DRC9: variants seen among roughly 807,000 people sequenced by gnomAD.
DRC9 encodes the protein dynein regulatory complex subunit 9, also known as dynein regulatory complex protein 9.
chr3:197,891,233 C>T, the DRC9 span, among the ~76,000 whole-genome samples: 1 of 152,170 alleles, frequency 6.6e-6, no homozygotes, highest in Admixed American at 6.6e-5. Context: ...TCTTTTTCCC[C>T]AGATGAAGAG....
the DRC9 span, chr3:197,954,246 C>T: frequency 1.6e-6 from 2 of 1,257,508 alleles, no homozygotes; most frequent in East Asian, 4.8e-5. Context: ...GTGAAATTGA[C>T]ACCAGTAAAT....
At chr3:197,954,271 TGTGTATTGCAGAAC>T in the DRC9 span, 1 of 928,330 alleles carries the variant, frequency 1.1e-6, no homozygotes, top group Non-Finnish European at 1.7e-6. Context: ...CTGCAAAATT[TGTGTATTGCAGAAC>T]ACTGGAGAGA....
the DRC9 span, among the ~76,000 whole-genome samples, chr3:197,926,670 G>T: frequency 6.6e-6 from 1 of 152,102 alleles, no homozygotes. Flanking sequence ...ACTGCCCACA[G>T]ACTGCTCCCA....
chr3:197,943,708 G>C, the DRC9 span: 1 of 1,235,166 alleles, frequency 8.1e-7, no homozygotes, highest in Non-Finnish European at 1.2e-6. Flanking sequence ...ACATTTAATG[G>C]GATAGGTACT....
the DRC9 span, among the ~76,000 whole-genome samples, chr3:197,898,338 T>C: frequency 2.0e-5 from 3 of 152,224 alleles, no homozygotes; most frequent in East Asian, 3.9e-4. Context: ...TACAGCCAAA[T>C]AGTACTCAGA....
At chr3:197,954,578 C>T in the DRC9 span, 2 of 265,458 alleles carry the variant, frequency 7.5e-6, no homozygotes, top group East Asian at 2.1e-4. Flanking sequence ...GGCATGATCT[C>T]AGCTTGCTGC....
chr3:197,903,244 CTG>C, the DRC9 span, among the ~76,000 whole-genome samples: 1 of 152,218 alleles, frequency 6.6e-6, no homozygotes, highest in Admixed American at 6.5e-5. Flanking sequence ...AAAGAAAACA[CTG>C]GGGAAACTCT....
At chr3:197,897,770 CTTTT>C in the DRC9 span, among the ~76,000 whole-genome samples, 1 of 126,374 alleles carries the variant, frequency 7.9e-6, no homozygotes, top group Non-Finnish European at 1.6e-5. Flanking sequence ...AAGCATAAAC[CTTTT>C]TTTTTTTTTT....
chr3:197,955,559 G>T, the DRC9 span, among the ~76,000 whole-genome samples: 1 of 152,110 alleles, frequency 6.6e-6, no homozygotes, highest in African/African-American at 2.4e-5. Context: ...ACAGCACCTG[G>T]CCAGTACATG....
chr3:197,924,429 T>C, the DRC9 span, among the ~76,000 whole-genome samples: 6 of 152,242 alleles, frequency 3.9e-5, no homozygotes, highest in Non-Finnish European at 8.8e-5. Flanking sequence ...CCAACGTCTA[T>C]GTAGGGAATA....
At chr3:197,940,835 A>G in the DRC9 span, among the ~76,000 whole-genome samples, 1 of 152,214 alleles carries the variant, frequency 6.6e-6, no homozygotes, top group Non-Finnish European at 1.5e-5. Flanking sequence ...TAAAGTTACT[A>G]TAATTATACA....
At chr3:197,954,072 T>C in the DRC9 span, 5 of 1,613,922 alleles carry the variant, frequency 3.1e-6, no homozygotes, top group Non-Finnish European at 4.2e-6. Context: ...CTCGGGCCCA[T>C]GGAAACAGTG....
At chr3:197,955,580 G>A in the DRC9 span, among the ~76,000 whole-genome samples, 1 of 152,044 alleles carries the variant, frequency 6.6e-6, no homozygotes, top group African/African-American at 2.4e-5. Context: ...TTTTTTATGA[G>A]TGCCGGTTCT....
chr3:197,927,344 G>A, the DRC9 span, among the ~76,000 whole-genome samples: 6 of 151,876 alleles, frequency 4.0e-5, no homozygotes, highest in African/African-American at 1.5e-4. Flanking sequence ...CTTCTGCCTC[G>A]GCCTCCTGAG....
chr3:197,950,306 A>G, the DRC9 span: 1 of 1,229,860 alleles, frequency 8.1e-7, no homozygotes, highest in African/African-American at 1.6e-5. Flanking sequence ...GCCGGTGCGT[A>G]TCGGAGTCTC....
the DRC9 span, chr3:197,943,967 G>T: frequency 6.2e-7 from 1 of 1,613,866 alleles, no homozygotes; most frequent in African/African-American, 1.3e-5. Context: ...CTTCTTCTAC[G>T]GTACTAGGTG....
At chr3:197,952,884 G>A in the DRC9 span, among the ~76,000 whole-genome samples, 1 of 151,610 alleles carries the variant, frequency 6.6e-6, no homozygotes, top group East Asian at 1.9e-4. Context: ...CCAGGCTGGA[G>A]TGCAGTGGTG....
the DRC9 span, among the ~76,000 whole-genome samples, chr3:197,912,219 T>A: frequency 2.0e-5 from 3 of 151,732 alleles, no homozygotes; most frequent in African/African-American, 4.8e-5. Flanking sequence ...TTGTATTTTT[T>A]AATAGAAACA....
At chr3:197,933,041 C>CATATATATAAAATACATATATTATACAT in the DRC9 span, among the ~76,000 whole-genome samples, 30 of 132,660 alleles carry the variant, frequency 2.3e-4, no homozygotes, top group East Asian at 6.1e-4. Flanking sequence ...ATATATTATA[C>CATATATATAAAATACATATATTATACAT]ATATATATAA....
Sources: allele counts gnomAD v4.1 joint callset (sites outside exome capture counted in the v4.1 genomes callset), GRCh38; gene constraint gnomAD v4.1.1; transcripts MANE v1.5; gene names NCBI Gene and HGNC (gene_info 2026-07-23, HGNC 2026-07-21).